The following WDR25 variants were observed in gnomAD, a reference collection of about 807,000 sequenced individuals.
WDR25 encodes the protein WD repeat domain 25, also known as WD repeat-containing protein 25.
In WDR25, 35 loss-of-function variants were observed where a neutral mutation model predicts 47.7. The observed-to-expected ratio is 0.73, with a 90% CI of 0.56 to 0.97. The LOEUF (loss-of-function observed/expected upper bound fraction) is 0.97, where lower values mean the gene tolerates loss of function less well. WDR25 is among the 50% of genes least tolerant of loss of function. The probability of loss-of-function intolerance (pLI) is 0.00; values close to 1 mark genes in which losing one functional copy is unlikely to be tolerated. For synonymous variants in WDR25, 248 were observed against 278.9 expected (o/e 0.89, Z 1.10); for missense variants, 634 against 704.7 (o/e 0.90, Z 1.14).
At chr14:100,396,635 G>A (rs932071063) in intron 2 of WDR25, among the ~76,000 whole-genome samples, 1 of 152,242 alleles carries the variant, frequency 6.6e-6, no homozygotes, top group South Asian at 2.1e-4. Context: ...CAGGACAGTA[G>A]TGCTCAGAGG....
intron 2 of WDR25, among the ~76,000 whole-genome samples, chr14:100,401,286 G>C (rs541248897): frequency 6.6e-6 from 1 of 152,016 alleles, no homozygotes; most frequent in African/African-American, 2.4e-5. Context: ...CGGCCTCCTC[G>C]TGGTCTCAGT....
intron 2 of WDR25, among the ~76,000 whole-genome samples, chr14:100,416,226 G>A (rs1897864253): frequency 6.6e-6 from 1 of 152,164 alleles, no homozygotes; most frequent in Non-Finnish European, 1.5e-5. Flanking sequence ...CATTTTCATG[G>A]TTGTTTTAAG....
At chr14:100,442,553 A>T (rs759100257) in intron 2 of WDR25, among the ~76,000 whole-genome samples, 1 of 152,216 alleles carries the variant, frequency 6.6e-6, no homozygotes, top group Admixed American at 6.5e-5. Context: ...TTCAAAGGTG[A>T]TCTGTCCCCT....
At chr14:100,521,754 T>C (rs541615712) in intron 4 of WDR25, among the ~76,000 whole-genome samples, 1 of 152,332 alleles carries the variant, frequency 6.6e-6, no homozygotes. Flanking sequence ...TTTGCCAGTG[T>C]AAGTTTAGGA....
rs950876013 is a variant in WDR25 at position 100,499,010 on chromosome 14, A to G, written c.1101+14886A>G. ...GCAAAAAAGGGCCTTGGAGACCTGG[A>G]GACCCAAGTGCTGCCCATGACTTCA... On this transcript the variant is annotated intron_variant, in intron 4 of 6. Transcript: ENST00000402312. The surrounding 1 kb of genome is among the most constrained non-coding windows in gnomAD (Gnocchi z 4.4). 6.6e-6 allele frequency among the ~76,000 whole-genome samples: 1 copy of G among 152,174 alleles called. No homozygotes were observed.
chr14:100,527,329 ACTG>A (rs1386214398), intron 5 of WDR25, among the ~76,000 whole-genome samples: 18 of 151,982 alleles, frequency 1.2e-4, no homozygotes, highest in Non-Finnish European at 2.4e-4. Flanking sequence ...CACCACCACC[ACTG>A]CTACCGTCAT....
intron 2 of WDR25, among the ~76,000 whole-genome samples, chr14:100,410,939 C>T (rs1428322172): frequency 2.0e-5 from 3 of 151,984 alleles, no homozygotes; most frequent in African/African-American, 7.2e-5. Flanking sequence ...TGCACCACCA[C>T]GCCTGGCTAA....
intron 3 of WDR25, among the ~76,000 whole-genome samples, chr14:100,480,796 T>C (rs7494174): frequency 0.57 from 86,542 of 151,992 alleles, 25,324 homozygotes; most frequent in Admixed American, 0.7. Context: ...GGAGCCATTA[T>C]TTGACATTAG....
rs8008007 is a variant in WDR25, at chr14:100,428,171, G to A, written c.823-39850G>A. 0.048 allele frequency among the ~76,000 whole-genome samples: 7,348 copies of A among 152,288 alleles called. 566 individuals are homozygous for A. The highest frequency in any genetic ancestry group is 0.17 in the African/African-American group (6,953 of 41,526). ...GAAACGTTTGTCGTGTGCTCCGACC[G>A]AAGCGTTGGCACTGACCCGTCTAGA... On this transcript the variant is annotated intron_variant, in intron 2 of 6. Transcript: ENST00000402312. This position sits in a 1 kb window ranked among gnomAD's most constrained non-coding sequence, Gnocchi z 4.3.
chr14:100,482,046 C>T (rs748819973), intron 3 of WDR25, among the ~76,000 whole-genome samples: 42 of 150,972 alleles, frequency 2.8e-4, no homozygotes, highest in Non-Finnish European at 4.7e-4. Flanking sequence ...AATGTCTGCA[C>T]GATCCTCAAC....
At chr14:100,467,598 A>G (rs1899678473) in intron 2 of WDR25, among the ~76,000 whole-genome samples, 1 of 152,120 alleles carries the variant, frequency 6.6e-6, no homozygotes, top group African/African-American at 2.4e-5. Context: ...GGCTCAAACA[A>G]TTCTCCTGCC....
intron 2 of WDR25, among the ~76,000 whole-genome samples, chr14:100,435,053 A>G (rs1020023728): frequency 6.6e-6 from 1 of 152,140 alleles, no homozygotes; most frequent in African/African-American, 2.4e-5. Flanking sequence ...GGTGCTAATG[A>G]CAGCACAGCC....
At chr14:100,453,582 T>C (rs937496943) in intron 2 of WDR25, among the ~76,000 whole-genome samples, 1 of 152,236 alleles carries the variant, frequency 6.6e-6, no homozygotes, top group Non-Finnish European at 1.5e-5. Context: ...TGCTTTCAAA[T>C]GTCCCGGATA....
rs73349408 is a variant in WDR25 at position 100,444,854 on chromosome 14, T to C, written c.823-23167T>C. Reference sequence around the variant, plus strand: ...GGGACAGGAGAAGAACCAAAGTTGATAGTGCCTTCTGTGGCACCTTCTACT... The same window carrying C: ...GGGACAGGAGAAGAACCAAAGTTGACAGTGCCTTCTGTGGCACCTTCTACT... On this transcript the variant is annotated intron_variant, in intron 2 of 6. Transcript: ENST00000402312. Among the ~76,000 whole-genome samples, 751 of 152,356 alleles carry C rather than the reference T, an allele frequency of 4.9e-3. 10 individuals are homozygous for C. Among genetic ancestry groups the C allele is most frequent in the African/African-American group, 0.017 (706 of 41,576 alleles).
intron 4 of WDR25, among the ~76,000 whole-genome samples, chr14:100,519,295 T>C (rs943088505): frequency 6.6e-6 from 1 of 150,972 alleles, no homozygotes; most frequent in Non-Finnish European, 1.5e-5. Flanking sequence ...GAGAGATGCA[T>C]AGTGGGTTTA....
chr14:100,461,339 C>T (rs1899406459), intron 2 of WDR25, among the ~76,000 whole-genome samples: 1 of 152,152 alleles, frequency 6.6e-6, no homozygotes, highest in African/African-American at 2.4e-5. Flanking sequence ...TGTATTTCTA[C>T]ATACGAGAAA....
chr14:100,423,800 T>A (rs1426190391), intron 2 of WDR25, among the ~76,000 whole-genome samples: 1 of 152,216 alleles, frequency 6.6e-6, no homozygotes, highest in Non-Finnish European at 1.5e-5. Flanking sequence ...GGAAATGAGA[T>A]CTTGTCTGTG....
At chr14:100,387,269 C>T (rs1389246933) in intron 2 of WDR25, among the ~76,000 whole-genome samples, 2 of 152,048 alleles carry the variant, frequency 1.3e-5, no homozygotes, top group Non-Finnish European at 2.9e-5. Flanking sequence ...GACAAATCAC[C>T]CAGAATCCTC....
In WDR25 at chr14:100,529,909, C is replaced by T. The variant is rs749973421; in HGVS notation, c.1503C>T (p.Ser501=). The T allele has an allele frequency of 1.9e-6, 3 of 1,613,448 alleles. No individual in the cohort carries two copies. In the Admixed American group the frequency reaches 5.0e-5, roughly 27 times the overall value. The change falls in exon 7 of 7, where the codon AGC becomes AGT. Residue 501 remains serine, a synonymous_variant. Transcript: ENST00000402312. This position sits in a 1 kb window ranked among gnomAD's most constrained non-coding sequence, Gnocchi z 5.1. ...GSADGRVLMY[S]FRTASRACTL... ...CCGATGGCCGGGTCCTGATGTACAG[C>T]TTCCGCACAGCCAGCCGAGCATGCA...
Sources: allele counts gnomAD v4.1 joint callset (sites outside exome capture counted in the v4.1 genomes callset), GRCh38; gene constraint gnomAD v4.1.1; non-coding constraint Gnocchi (gnomAD v3.1); transcripts MANE v1.5; gene names NCBI Gene and HGNC (gene_info 2026-07-23, HGNC 2026-07-21).